WIPF1: variants seen among roughly 807,000 people sequenced by gnomAD.
The protein encoded by WIPF1 is WAS/WASL interacting protein family member 1, also known as WAS/WASL-interacting protein family member 1.
In WIPF1, 13 loss-of-function variants were observed where a neutral mutation model predicts 35.4. The ratio of observed to expected loss-of-function variants is 0.37; its 90% CI spans 0.24 to 0.58. The LOEUF (loss-of-function observed/expected upper bound fraction) is 0.58, where lower values mean the gene tolerates loss of function less well. WIPF1 is among the 20% of genes least tolerant of loss of function. WIPF1 has a pLI of 0.74. For missense variants in WIPF1, 591 were observed against 667.0 expected (o/e 0.89, Z 1.25); for synonymous variants, 267 against 266.3 (o/e 1.00, Z -0.02).
At chr2:174,629,490 G>A (rs1260440332) in intron 1 of WIPF1, among the ~76,000 whole-genome samples, 1 of 152,168 alleles carries the variant, frequency 6.6e-6, no homozygotes, top group Non-Finnish European at 1.5e-5. Flanking sequence ...CTTTCACAAG[G>A]TGATGGGCAT....
At chr2:174,672,347 G>T (rs1688036575) in intron 1 of WIPF1, among the ~76,000 whole-genome samples, 2 of 152,164 alleles carry the variant, frequency 1.3e-5, no homozygotes, top group African/African-American at 2.4e-5. Context: ...ACAGCATCTG[G>T]CTCAAATTCC....
intron 1 of WIPF1, chr2:174,673,231 C>T (rs1044232523): frequency 6.6e-6 from 1 of 152,230 alleles, no homozygotes; most frequent in African/African-American, 2.4e-5. Flanking sequence ...GCACTTGGAC[C>T]TGCTAGTTGA....
Position 174,572,449 on chromosome 2 carries a change from G to C in WIPF1, c.359-3C>G. 1 of 1,614,124 alleles carries C rather than the reference G, an allele frequency of 6.2e-7. No homozygotes were observed. The highest frequency in any genetic ancestry group is 1.1e-5 in the South Asian group (1 of 91,070). On this transcript the variant is annotated splice_polypyrimidine_tract_variant and splice_region_variant and intron_variant, in intron 4 of 7. Transcript: ENST00000679041. Reference sequence around the variant, plus strand: ...TGGTGGTCGGCTTCCTCCAGAATCTGAAGAACAGGAAAACAAACATCAGTT... The same window carrying C: ...TGGTGGTCGGCTTCCTCCAGAATCTCAAGAACAGGAAAACAAACATCAGTT...
At chr2:174,648,316 C>T (rs773070816) in intron 1 of WIPF1, among the ~76,000 whole-genome samples, 2 of 152,198 alleles carry the variant, frequency 1.3e-5, no homozygotes, top group Non-Finnish European at 2.9e-5. Flanking sequence ...AAATTACTAT[C>T]GCATACTTCT....
intron 1 of WIPF1, among the ~76,000 whole-genome samples, chr2:174,651,266 T>C (rs1342018152): frequency 6.6e-6 from 1 of 152,224 alleles, no homozygotes; most frequent in Non-Finnish European, 1.5e-5. Flanking sequence ...TAGCACAAAC[T>C]AGTAGCATTA....
chr2:174,608,298 C>A (rs1003363308), intron 1 of WIPF1, among the ~76,000 whole-genome samples: 2 of 152,164 alleles, frequency 1.3e-5, no homozygotes, highest in Non-Finnish European at 2.9e-5. Flanking sequence ...GCATTCTATG[C>A]CCCTGTGTGC....
chr2:174,585,269 C>T (rs796212946), intron 2 of WIPF1, among the ~76,000 whole-genome samples: 15 of 152,296 alleles, frequency 9.8e-5, no homozygotes, highest in Middle Eastern at 3.4e-3. Context: ...TGCGCAGATG[C>T]GGCAGAAAAC....
At chr2:174,668,274 T>C (rs1006742823) in intron 1 of WIPF1, among the ~76,000 whole-genome samples, 2 of 152,240 alleles carry the variant, frequency 1.3e-5, no homozygotes, top group Non-Finnish European at 2.9e-5. Context: ...CAACTGGCCA[T>C]TAGCCTTAGG....
chr2:174,621,959 G>A (rs1429239925), intron 1 of WIPF1, among the ~76,000 whole-genome samples: 2 of 152,132 alleles, frequency 1.3e-5, no homozygotes, highest in Non-Finnish European at 2.9e-5. Flanking sequence ...ACTGATGAGA[G>A]AACAATGAGG....
chr2:174,584,273 C>T (rs531904537), intron 2 of WIPF1, among the ~76,000 whole-genome samples: 2 of 152,262 alleles, frequency 1.3e-5, no homozygotes, highest in East Asian at 3.9e-4. Flanking sequence ...CTTTTGTCCT[C>T]ATCACTTTGG....
chr2:174,587,927 A>G (rs914463374), intron 1 of WIPF1, among the ~76,000 whole-genome samples: 14 of 152,186 alleles, frequency 9.2e-5, no homozygotes, highest in Non-Finnish European at 1.8e-4. Context: ...TGTCTCAGGC[A>G]AGGATTCTTT....
intron 1 of WIPF1, among the ~76,000 whole-genome samples, chr2:174,586,246 C>T (rs1188734277): frequency 2.0e-5 from 3 of 152,118 alleles, no homozygotes; most frequent in Admixed American, 2.0e-4. Flanking sequence ...CCAGCCATCC[C>T]TATCTCTGTG....
intron 5 of WIPF1, among the ~76,000 whole-genome samples, chr2:174,569,410 T>G (rs1232820191): frequency 1.3e-5 from 2 of 152,192 alleles, no homozygotes; most frequent in African/African-American, 2.4e-5. Context: ...GAAAAGTGTC[T>G]CATTTGCTGT....
chr2:174,565,241 T>C (rs1160661871), intron 7 of WIPF1, among the ~76,000 whole-genome samples: 2 of 152,232 alleles, frequency 1.3e-5, no homozygotes, highest in African/African-American at 4.8e-5. Context: ...AATTTTATTA[T>C]AGCTATACTT....
chr2:174,679,686 T>TA (rs892576856), intron 1 of WIPF1, among the ~76,000 whole-genome samples: 6 of 152,142 alleles, frequency 3.9e-5, no homozygotes, highest in African/African-American at 1.4e-4. Context: ...GCATACTAGT[T>TA]AAAGTGTATT....
intron 1 of WIPF1, chr2:174,625,559 GCTCATGGGAGTGCCTGC>G (rs1300506434): frequency 1.3e-5 from 2 of 152,172 alleles, no homozygotes; most frequent in Non-Finnish European, 2.9e-5. Context: ...TGTCAATGGG[GCTCATGGGAGTGCCTGC>G]CTCATAGGCT....
At chr2:174,575,124 C>G in intron 4 of WIPF1, 80 bp downstream of exon 4, 1 of 1,453,558 alleles carries the variant, frequency 6.9e-7, no homozygotes, top group Non-Finnish European at 9.4e-7. Flanking sequence ...GGCGAAGAGC[C>G]TTAGAGGCTA....
intron 3 of WIPF1, among the ~76,000 whole-genome samples, chr2:174,577,656 C>G (rs918586670): frequency 2.0e-5 from 3 of 152,036 alleles, no homozygotes; most frequent in Non-Finnish European, 1.5e-5. Flanking sequence ...CCAGGTGCAA[C>G]GGCTCACACC....
chr2:174,637,641 G>A (rs1285130529), intron 1 of WIPF1, among the ~76,000 whole-genome samples: 7 of 152,162 alleles, frequency 4.6e-5, no homozygotes, highest in Admixed American at 4.6e-4. Context: ...CAAAAAATGA[G>A]CCGGGCATGG....
Sources: gnomAD v4.1 joint callset for allele counts (sites outside exome capture counted in the v4.1 genomes callset) on GRCh38, gnomAD v4.1.1 for gene constraint, MANE v1.5 for transcripts, NCBI Gene and HGNC (gene_info 2026-07-23, HGNC 2026-07-21) for gene names.